PLCL1: variants seen among roughly 807,000 people sequenced by gnomAD.
The protein encoded by PLCL1 is inactive phospholipase C-like protein 1.
Under a neutral mutation model 84.4 loss-of-function variants are expected in PLCL1, and 41 were observed. That is an observed-to-expected ratio of 0.49 (90% CI 0.38 to 0.63). PLCL1 has a LOEUF of 0.63. Ranked by LOEUF, PLCL1 falls within the 30% of genes least tolerant of loss-of-function variation. The pLI is 0.00. For missense variants in PLCL1, 1,206 were observed against 1,367.8 expected (o/e 0.88, Z 1.87); for synonymous variants, 490 against 488.3 (o/e 1.00, Z -0.05).
At chr2:198,052,022 G>C (rs1299428090) in intron 1 of PLCL1, among the ~76,000 whole-genome samples, 1 of 152,190 alleles carries the variant, frequency 6.6e-6, no homozygotes, top group East Asian at 1.9e-4. Flanking sequence ...TGATTCTCCT[G>C]CCTCAGCCTC....
intron 1 of PLCL1, among the ~76,000 whole-genome samples, chr2:197,847,435 G>A (rs998230356): frequency 6.6e-6 from 1 of 152,108 alleles, no homozygotes; most frequent in East Asian, 1.9e-4. Context: ...TTTTCATAGA[G>A]AGAATGGCTT....
intron 1 of PLCL1, among the ~76,000 whole-genome samples, chr2:197,857,197 A>G (rs1482632214): frequency 2.0e-5 from 3 of 151,944 alleles, no homozygotes; most frequent in Admixed American, 1.3e-4. Context: ...GATCACTTTG[A>G]TAAGGAGAAA....
chr2:198,039,684 G>A (rs553052876), intron 1 of PLCL1, among the ~76,000 whole-genome samples: 12 of 152,108 alleles, frequency 7.9e-5, no homozygotes, highest in Non-Finnish European at 1.5e-4. Context: ...TCACAATATA[G>A]CACTTTCAGA....
At chr2:198,082,665 A>C (rs1692749041) in intron 1 of PLCL1, among the ~76,000 whole-genome samples, 1 of 152,120 alleles carries the variant, frequency 6.6e-6, no homozygotes, top group South Asian at 2.1e-4. Flanking sequence ...ACCCAGTGTA[A>C]GTGGCATCAG....
intron 1 of PLCL1, among the ~76,000 whole-genome samples, chr2:198,078,794 C>T (rs534910774): frequency 4.6e-5 from 7 of 152,210 alleles, no homozygotes; most frequent in African/African-American, 1.7e-4. Context: ...AGGTCAAAGG[C>T]AGGGAAGCTT....
chr2:198,083,644 C>T, intron 1 of PLCL1, 114 bp from the exon 2 acceptor site: 1 of 648,636 alleles, frequency 1.5e-6, no homozygotes. Context: ...TTAGGGTAGC[C>T]TCTGTTCAAA....
At chr2:197,987,879 A>G (rs1263114513) in intron 1 of PLCL1, among the ~76,000 whole-genome samples, 1 of 152,206 alleles carries the variant, frequency 6.6e-6, no homozygotes. Flanking sequence ...GTCACTGTAA[A>G]CTGAATGAAT....
At chr2:198,028,954 T>C (rs1691341559) in intron 1 of PLCL1, among the ~76,000 whole-genome samples, 1 of 152,186 alleles carries the variant, frequency 6.6e-6, no homozygotes, top group South Asian at 2.1e-4. Flanking sequence ...TCAAACATTC[T>C]GAAATTAGAT....
Position 198,084,708 on chromosome 2 carries a change from C to A in PLCL1, c.1191C>A (p.Ala397=), listed in dbSNP as rs1452405259. Residue 397 remains alanine (A), a synonymous_variant, in exon 2 of 6, where the codon GCC becomes GCA. Transcript: ENST00000428675. ...TTGATCCTGAGCAAAAGAAGGTTGC[C>A]CAAGATATGACCCAGCCATTATCTC... is the stretch of plus-strand genomic sequence containing the variant. ...DIFDPEQKKV[A]QDMTQPLSHY... is the part of the protein sequence containing the mutation. 1.9e-6 allele frequency: 3 copies of A among 1,613,792 alleles called. No individual in the cohort carries two copies. Among genetic ancestry groups the A allele is most frequent in the African/African-American group, 2.7e-5 (2 of 74,864 alleles).
intron 1 of PLCL1, among the ~76,000 whole-genome samples, chr2:197,894,940 T>G (rs1284191505): frequency 6.6e-6 from 1 of 151,962 alleles, no homozygotes; most frequent in Non-Finnish European, 1.5e-5. Context: ...GTGTTTTAAC[T>G]CTCTTTCTTT....
intron 1 of PLCL1, among the ~76,000 whole-genome samples, chr2:198,066,590 A>AT (rs769325957): frequency 2.0e-5 from 3 of 152,120 alleles, no homozygotes; most frequent in African/African-American, 7.2e-5. Flanking sequence ...AGCTAGATAT[A>AT]TTTTTTCTTT....
rs200198349 is a variant in PLCL1 at position 197,899,635 on chromosome 2, C to CTT, written c.240+94298_240+94299dup. On this transcript the variant is annotated intron_variant, in intron 1 of 5. Transcript: ENST00000428675. ...CAGGGCCTTGGCACATGAGTTCTTT[C>CTT]TTTCTTTTTTTTTTTTTTGAGACGG... Among the ~76,000 whole-genome samples, 1,086 of 139,122 alleles carry CTT rather than the reference C, an allele frequency of 7.8e-3. 45 individuals are homozygous for CTT. Among genetic ancestry groups the CTT allele is most frequent in the African/African-American group, 0.015 (539 of 37,010 alleles). The allele number at this position is 139,122 out of a possible 152,430, so 91.3% of individuals were successfully genotyped here.
chr2:198,020,668 T>C (rs139121323), intron 1 of PLCL1, among the ~76,000 whole-genome samples: 1 of 151,764 alleles, frequency 6.6e-6, no homozygotes, highest in African/African-American at 2.4e-5. Flanking sequence ...TACATAATGG[T>C]AAAGGGATCA....
rs560609450 is a variant in PLCL1 at position 198,075,944 on chromosome 2, T to C, written c.241-7814T>C. Among the ~76,000 whole-genome samples the C allele has an allele frequency of 2.0e-5, 3 of 152,340 alleles. No individual in the cohort carries two copies. The East Asian group carries it at 5.8e-4, about 29-fold the overall frequency. Reference sequence around the variant, plus strand: ...TCTTTGTGTAAATGGAAGTTGTATTTGAAATAATCCATTGGATGTGTATAA... The same window carrying C: ...TCTTTGTGTAAATGGAAGTTGTATTCGAAATAATCCATTGGATGTGTATAA... On this transcript the variant is annotated intron_variant, in intron 1 of 5. Coordinates refer to ENST00000428675, the MANE Select transcript of PLCL1 (RefSeq NM_006226.4).
intron 1 of PLCL1, among the ~76,000 whole-genome samples, chr2:197,843,302 C>T (rs1305768272): frequency 3.9e-5 from 6 of 152,172 alleles, no homozygotes; most frequent in Non-Finnish European, 8.8e-5. Flanking sequence ...ATTTTCCCCT[C>T]CTGCTTTACA....
chr2:198,127,249 T>A (rs1483041262), intron 5 of PLCL1, among the ~76,000 whole-genome samples: 2 of 152,110 alleles, frequency 1.3e-5, no homozygotes, highest in African/African-American at 4.8e-5. Context: ...TGCTAAATCA[T>A]GCTAATGACC....
chr2:198,124,065 G>A (rs1254546943), intron 5 of PLCL1, among the ~76,000 whole-genome samples: 2 of 152,078 alleles, frequency 1.3e-5, no homozygotes, highest in East Asian at 1.9e-4. Context: ...GTTTCCTAGT[G>A]CAAAACTCAT....
chr2:197,853,174 C>T (rs887508731), intron 1 of PLCL1, among the ~76,000 whole-genome samples: 12 of 152,178 alleles, frequency 7.9e-5, no homozygotes, highest in African/African-American at 1.9e-4. Flanking sequence ...AAGGCTCATT[C>T]GTGTGGTAGC....
intron 5 of PLCL1, among the ~76,000 whole-genome samples, chr2:198,136,428 G>A (rs2105941299): frequency 6.6e-6 from 1 of 152,262 alleles, no homozygotes; most frequent in East Asian, 1.9e-4. Flanking sequence ...GGTACAGTAA[G>A]AGTGGAGCTT....
Sources: gnomAD v4.1 joint callset for allele counts (sites outside exome capture counted in the v4.1 genomes callset) on GRCh38, gnomAD v4.1.1 for gene constraint, MANE v1.5 for transcripts, NCBI Gene and HGNC (gene_info 2026-07-23, HGNC 2026-07-21) for gene names.